NAV1: variants seen among roughly 807,000 people sequenced by gnomAD.
NAV1 encodes the protein neuron navigator 1, also known as pore membrane and/or filament interacting like protein 3.
A neutral mutation model predicts 175.2 loss-of-function variants in NAV1; 18 were observed. The observed-to-expected ratio is 0.10, with a 90% confidence interval of 0.07 to 0.15. NAV1 has a LOEUF of 0.15. Among genes scored for constraint, NAV1 ranks in the 10% least tolerant of loss-of-function variants. The pLI, the probability that NAV1 is intolerant of heterozygous loss-of-function variation, is 1.00. For missense variants in NAV1, 1,731 were observed against 2,436.6 expected (o/e 0.71, Z 6.10); for synonymous variants, 897 against 978.7 (o/e 0.92, Z 1.56).
intron 3 of NAV1, among the ~76,000 whole-genome samples, chr1:201,733,729 G>T (rs1672966658): frequency 6.6e-6 from 1 of 152,124 alleles, no homozygotes. Context: ...GCAGACAGAA[G>T]AGTATATGCA....
intron 2 of NAV1, among the ~76,000 whole-genome samples, chr1:201,630,135 T>C (rs1281550415): frequency 6.6e-6 from 1 of 152,162 alleles, no homozygotes; most frequent in Non-Finnish European, 1.5e-5. Context: ...GTGAGTGTCT[T>C]GGGTACCATA....
rs2102710353 is a variant in NAV1 at position 201,782,068 on chromosome 1, C to A, written c.1664-108C>A. On this transcript the variant is annotated intron_variant, in intron 5 of 29. Coordinates refer to ENST00000367296, the Ensembl canonical transcript of NAV1. The surrounding 1 kb of genome is among the most constrained non-coding windows in gnomAD (Gnocchi z 5.4). ...TACCCAAATTTAGGCCTCTAAAAGTCTACAATACATGGACAATGTTCCCTT... is the reference window on the plus strand; with the variant it reads ...TACCCAAATTTAGGCCTCTAAAAGTATACAATACATGGACAATGTTCCCTT... The A allele has an allele frequency of 1.9e-6, 2 of 1,027,756 alleles. No homozygotes were observed. Among genetic ancestry groups the A allele is most frequent in the East Asian group, 4.9e-5 (2 of 40,676 alleles). The allele number at this position is 1,027,756 out of a possible 1,614,324, so 63.7% of individuals were successfully genotyped here.
intron 3 of NAV1, among the ~76,000 whole-genome samples, chr1:201,743,192 C>T (rs143717498): frequency 1.9e-4 from 29 of 152,228 alleles, no homozygotes; most frequent in Non-Finnish European, 3.8e-4. Flanking sequence ...TAAAGCCAAC[C>T]CCTAACTACT....
chr1:201,702,267 CTTATTGGAATGATAA>C, intron 1 of NAV1, among the ~76,000 whole-genome samples: 1 of 152,232 alleles, frequency 6.6e-6, no homozygotes, highest in East Asian at 1.9e-4. Context: ...CACAGGGCTT[CTTATTGGAATGATAA>C]AAATAGTCTG....
rs754203395 is a variant in NAV1 at position 201,786,412 on chromosome 1, T to G, written c.2847-17T>G. Reference sequence around the variant, plus strand: ...ACTTGCTAGTCCCAGACTGAGTTCTTCTGCTGCTTCCTACAGGTACCAGCT... The same window carrying G: ...ACTTGCTAGTCCCAGACTGAGTTCTGCTGCTGCTTCCTACAGGTACCAGCT... On this transcript the variant is annotated splice_polypyrimidine_tract_variant and intron_variant, in intron 8 of 29. Transcript: ENST00000367296. 3.7e-6 allele frequency: 6 copies of G among 1,607,332 alleles called. No homozygotes were observed. In the African/African-American group the frequency reaches 4.0e-5, roughly 11 times the overall value.
intron 3 of NAV1, among the ~76,000 whole-genome samples, chr1:201,764,658 G>C (rs1267757097): frequency 6.6e-6 from 1 of 152,118 alleles, no homozygotes; most frequent in African/African-American, 2.4e-5. Context: ...CTTAACCTTA[G>C]GGCAAAAATT....
chr1:201,626,085 C>T (rs905422235), intron 1 of NAV1, among the ~76,000 whole-genome samples: 16 of 152,092 alleles, frequency 1.1e-4, no homozygotes, highest in African/African-American at 3.9e-4. Context: ...CTCAAGGGTG[C>T]GATTAGGACC....
At position 201,799,176 on chromosome 1, in the gene NAV1, C is replaced by CTG. The variant is rs56994916; in HGVS notation, c.3518-4398_3518-4397dup. 3.2e-3 allele frequency among the ~76,000 whole-genome samples: 475 copies of CTG among 150,692 alleles called. 2 individuals carry two copies. The highest frequency in any genetic ancestry group is 0.013 in the South Asian group (60 of 4,762). ...ACTTATTTTCAAATTGTTCAAGAAA[C>CTG]TGTGTGTGTGTGTGTGTGTGGAGAG... On this transcript the variant is annotated intron_variant, in intron 15 of 29. Coordinates refer to ENST00000367296, the Ensembl canonical transcript of NAV1.
At chr1:201,650,127 T>C (rs1003132215) in intron 1 of NAV1, among the ~76,000 whole-genome samples, 2 of 152,232 alleles carry the variant, frequency 1.3e-5, no homozygotes, top group African/African-American at 2.4e-5. Flanking sequence ...CCGAGACTCC[T>C]GTTTGACCGG....
At chr1:201,780,297 C>T in intron 3 of NAV1, 124 bp from the exon 8 acceptor site, 2 of 1,092,626 alleles carry the variant, frequency 1.8e-6, no homozygotes, top group Admixed American at 2.6e-5. Flanking sequence ...GACAAACCCC[C>T]AGGTTTTCTC....
At chr1:201,595,090 C>T (rs1667315800) in intron 2 of NAV1, among the ~76,000 whole-genome samples, 1 of 152,234 alleles carries the variant, frequency 6.6e-6, no homozygotes, top group Non-Finnish European at 1.5e-5. Flanking sequence ...TCCAAGCACA[C>T]CTCCAAGGCT....
chr1:201,639,742 G>A (rs556870459), intron 2 of NAV1, among the ~76,000 whole-genome samples: 3 of 152,118 alleles, frequency 2.0e-5, no homozygotes, highest in Admixed American at 1.3e-4. Context: ...ACAAAGCCCC[G>A]AGAACCCTGC....
intron 1 of NAV1, among the ~76,000 whole-genome samples, chr1:201,685,035 G>A (rs538916): frequency 0.067 from 9,925 of 148,462 alleles, 520 homozygotes; most frequent in African/African-American, 0.14. Flanking sequence ...CCAACTGTTT[G>A]GGGAGGCCAA....
intron 1 of NAV1, among the ~76,000 whole-genome samples, chr1:201,685,336 G>A (rs1670643667): frequency 1.3e-5 from 2 of 152,234 alleles, no homozygotes; most frequent in Non-Finnish European, 2.9e-5. Context: ...ACTGTAGCAA[G>A]CACTCAAATG....
In NAV1 at chr1:201,539,722, A is replaced by T. The variant is rs540674248; in HGVS notation, c.-144+380A>T. ...GAGACACCAGGTGCTGCGTTCTTATACTCGCACCCACACGGCAAGCACACA... is the reference window on the plus strand; with the variant it reads ...GAGACACCAGGTGCTGCGTTCTTATTCTCGCACCCACACGGCAAGCACACA... On this transcript the variant is annotated intron_variant, in intron 1 of 33. Transcript: ENST00000685211. The surrounding 1 kb of genome is among the most constrained non-coding windows in gnomAD (Gnocchi z 5.6). 3.0e-4 allele frequency among the ~76,000 whole-genome samples: 45 copies of T among 152,076 alleles called. No homozygotes were observed. The highest frequency in any genetic ancestry group is 6.2e-4 in the Non-Finnish European group (42 of 67,974).
chr1:201,815,276 T>C (rs1278843041), intron 28 of NAV1, among the ~76,000 whole-genome samples: 1 of 152,018 alleles, frequency 6.6e-6, no homozygotes, highest in African/African-American at 2.4e-5. Context: ...TGATGATGCA[T>C]GCCTGTAGTC....
At position 201,807,869 on chromosome 1, in the gene NAV1, C is replaced by T. The variant is rs1410093388; in HGVS notation, c.3649-84C>T. 3.7e-6 allele frequency: 5 copies of T among 1,344,916 alleles called. No individual in the cohort carries two copies. The African/African-American group carries it at 5.8e-5, about 16-fold the overall frequency. 83.3% of individuals were successfully genotyped at this position (1,344,916 alleles called of 1,614,324 possible). On this transcript the variant is annotated intron_variant, in intron 17 of 29. Coordinates refer to ENST00000367296, the Ensembl canonical transcript of NAV1. This position sits in a 1 kb window ranked among gnomAD's most constrained non-coding sequence, Gnocchi z 5.4. ...GTAAATCCCCCGCCTCCAGCTCTCT[C>T]TGTCTCAGAAGTCTCAATCCAGTCC...
chr1:201,709,466 C>CT (rs1671806124), intron 1 of NAV1, among the ~76,000 whole-genome samples: 1 of 152,230 alleles, frequency 6.6e-6, no homozygotes, highest in Non-Finnish European at 1.5e-5. Context: ...TCTGCAGCCT[C>CT]TGGAGCTCTG....
At chr1:201,617,207 T>C in intron 2 of NAV1, among the ~76,000 whole-genome samples, 1 of 50,860 alleles carries the variant, frequency 2.0e-5, no homozygotes, top group East Asian at 6.9e-4. Flanking sequence ...AATCTCTCTG[T>C]CTCTCTCTCT....
Sources: allele counts gnomAD v4.1 joint callset (sites outside exome capture counted in the v4.1 genomes callset), GRCh38; gene constraint gnomAD v4.1.1; non-coding constraint Gnocchi (gnomAD v3.1); transcripts MANE v1.5; gene names NCBI Gene and HGNC (gene_info 2026-07-23, HGNC 2026-07-21).